PDHX: variants seen among roughly 807,000 people sequenced by gnomAD.
PDHX encodes pyruvate dehydrogenase protein X component, mitochondrial.
A neutral mutation model predicts 55.3 loss-of-function variants in PDHX; 33 were observed. The ratio of observed to expected loss-of-function variants is 0.60; its 90% CI spans 0.45 to 0.80. PDHX has a LOEUF of 0.80. Among genes scored for constraint, PDHX ranks in the 30% least tolerant of loss-of-function variants. PDHX has a pLI of 0.00. For missense variants in PDHX, 622 were observed against 619.9 expected (o/e 1.00, Z -0.04); for synonymous variants, 226 against 219.4 (o/e 1.03, Z -0.27).
At chr11:34,948,616 C>G (rs963170620) in intron 3 of PDHX, among the ~76,000 whole-genome samples, 1 of 139,486 alleles carries the variant, frequency 7.2e-6, no homozygotes, top group Non-Finnish European at 1.5e-5. Context: ...TTTTTAACTT[C>G]GAATATGTCA....
In PDHX at chr11:34,966,742, G is replaced by A. The variant is rs756038747; in HGVS notation, c.744G>A (p.Gln248=). 10 of 1,613,948 alleles carry A rather than the reference G, an allele frequency of 6.2e-6. No homozygotes were observed. The highest frequency in any genetic ancestry group is 6.8e-6 in the Non-Finnish European group (8 of 1,180,006). ...CTCCCACAGCACCTTCGCCCCTACAGGCCACAGCTGGACCATCTTATCCCC... is the reference window on the plus strand; with the variant it reads ...CTCCCACAGCACCTTCGCCCCTACAAGCCACAGCTGGACCATCTTATCCCC... ...TATPTAPSPL[Q]ATAGPSYPRP... The change falls in exon 6 of 11, where the codon CAG becomes CAA. Residue 248 remains glutamine (Q), a synonymous_variant. Coordinates refer to ENST00000227868, the MANE Select transcript of PDHX (RefSeq NM_003477.3).
chr11:34,969,158 G>A (rs7936426), intron 6 of PDHX, among the ~76,000 whole-genome samples: 15,322 of 151,984 alleles, frequency 0.1, 1,622 homozygotes, highest in African/African-American at 0.27. Context: ...GCACATTTAT[G>A]GTAGGCTATG....
intron 4 of PDHX, among the ~76,000 whole-genome samples, chr11:34,958,657 T>C (rs1854956462): frequency 6.6e-6 from 1 of 152,162 alleles, no homozygotes; most frequent in African/African-American, 2.4e-5. Flanking sequence ...CTCTGTTGCC[T>C]TGACTCCCAT....
At chr11:34,957,122 C>T (rs1407508667) in intron 3 of PDHX, among the ~76,000 whole-genome samples, 7 of 152,100 alleles carry the variant, frequency 4.6e-5, no homozygotes, top group Non-Finnish European at 1.0e-4. Context: ...TTTGAAGGCT[C>T]TCAGAAAGAG....
rs548357218 is a variant in PDHX, at chr11:34,942,405, C to T, written c.242-5101C>T. ...TGTGAAGCATTAACACTTCCAGCCCCATGACTTAAAAAATATATATCTATA... is the reference window on the plus strand; with the variant it reads ...TGTGAAGCATTAACACTTCCAGCCCTATGACTTAAAAAATATATATCTATA... On this transcript the variant is annotated intron_variant, in intron 2 of 10. Transcript: ENST00000227868. 1.1e-4 allele frequency among the ~76,000 whole-genome samples: 16 copies of T among 152,308 alleles called. No homozygotes were observed. The South Asian group carries it at 2.9e-3, about 28-fold the overall frequency.
At chr11:34,973,594 A>G (rs889759288) in intron 7 of PDHX, among the ~76,000 whole-genome samples, 2 of 151,804 alleles carry the variant, frequency 1.3e-5, no homozygotes, top group Non-Finnish European at 2.9e-5. Flanking sequence ...TAGGGTTTAC[A>G]ATGTAATTCT....
intron 2 of PDHX, among the ~76,000 whole-genome samples, chr11:34,946,848 A>G (rs1357080066): frequency 6.6e-6 from 1 of 152,190 alleles, no homozygotes; most frequent in Non-Finnish European, 1.5e-5. Flanking sequence ...TAATCCCCAA[A>G]GGAAACTGTT....
chr11:34,994,316 C>G (rs1590776799), intron 10 of PDHX, among the ~76,000 whole-genome samples: 1 of 152,242 alleles, frequency 6.6e-6, no homozygotes, highest in South Asian at 2.1e-4. Context: ...CTAAACATAT[C>G]TAAGCATTTT....
At chr11:34,961,587 C>T (rs1471121068) in intron 5 of PDHX, among the ~76,000 whole-genome samples, 1 of 152,136 alleles carries the variant, frequency 6.6e-6, no homozygotes, top group Non-Finnish European at 1.5e-5. Flanking sequence ...AGTGTTGGGC[C>T]AGGCAATGTT....
At chr11:34,953,042 C>A (rs1353037061) in intron 3 of PDHX, among the ~76,000 whole-genome samples, 1 of 151,876 alleles carries the variant, frequency 6.6e-6, no homozygotes, top group Non-Finnish European at 1.5e-5. Context: ...TCTTATACAC[C>A]AATAACAGAC....
In PDHX at chr11:34,955,068, A is replaced by G. The variant is rs559663521; in HGVS notation, c.343-2316A>G. Among the ~76,000 whole-genome samples, 19 of 152,266 alleles carry G rather than the reference A, an allele frequency of 1.2e-4. No homozygotes were observed. In the East Asian group the frequency reaches 1.5e-3, roughly 12 times the overall value. Reference sequence around the variant, plus strand: ...AAAACCCTGCATTTAATATTAAGAAATCATTGGCAGAAGAGTAAGAGAGGG... The same window carrying G: ...AAAACCCTGCATTTAATATTAAGAAGTCATTGGCAGAAGAGTAAGAGAGGG... On this transcript the variant is annotated intron_variant, in intron 3 of 10. Coordinates refer to ENST00000227868, the MANE Select transcript of PDHX (RefSeq NM_003477.3).
At chr11:34,926,627 C>T (rs1221262032) in intron 1 of PDHX, among the ~76,000 whole-genome samples, 1 of 151,450 alleles carries the variant, frequency 6.6e-6, no homozygotes, top group Admixed American at 6.6e-5. Context: ...AACCATAAAG[C>T]AGTTTGTTCT....
At chr11:34,931,946 G>A in intron 2 of PDHX, among the ~76,000 whole-genome samples, 2 of 151,994 alleles carry the variant, frequency 1.3e-5, no homozygotes. Context: ...GCGGAGGAGG[G>A]TTGTAGCCCT....
At chr11:34,960,630 GTTC>G (rs1325200592) in intron 5 of PDHX, 112 bp downstream of exon 5, 20 of 649,038 alleles carry the variant, frequency 3.1e-5, no homozygotes, top group Non-Finnish European at 3.0e-5. Context: ...GAGGTACACT[GTTC>G]TTCTTTTGTA....
At chr11:34,933,460 G>A (rs571175302) in intron 2 of PDHX, among the ~76,000 whole-genome samples, 1 of 152,220 alleles carries the variant, frequency 6.6e-6, no homozygotes, top group South Asian at 2.1e-4. Flanking sequence ...GTATTTTATG[G>A]GATAAAGCAA....
At chr11:34,978,933 G>C (rs1290505150) in intron 8 of PDHX, among the ~76,000 whole-genome samples, 1 of 152,154 alleles carries the variant, frequency 6.6e-6, no homozygotes, top group Non-Finnish European at 1.5e-5. Flanking sequence ...AAACGAAAAG[G>C]AGAGGCTGCC....
chr11:34,984,493 A>C (rs777789491), intron 8 of PDHX, 77 bp from the exon 9 acceptor site: 11 of 1,284,120 alleles, frequency 8.6e-6, no homozygotes, highest in Non-Finnish European at 9.0e-6. Flanking sequence ...TGGAAAATGC[A>C]CAATGATTTT....
chr11:34,918,789 A>G (rs892126530), intron 1 of PDHX, among the ~76,000 whole-genome samples: 2 of 152,188 alleles, frequency 1.3e-5, no homozygotes, highest in Admixed American at 6.5e-5. Context: ...TCTTTTCTGG[A>G]GGCTCGAGAC....
chr11:34,936,792 T>C (rs111549125), intron 2 of PDHX, among the ~76,000 whole-genome samples: 6 of 123,172 alleles, frequency 4.9e-5, no homozygotes, highest in Admixed American at 4.0e-4. Context: ...TCTTTTTTTT[T>C]TTTTTTTTTT....
Sources: allele counts gnomAD v4.1 joint callset (sites outside exome capture counted in the v4.1 genomes callset), GRCh38; gene constraint gnomAD v4.1.1; transcripts MANE v1.5; gene names NCBI Gene and HGNC (gene_info 2026-07-23, HGNC 2026-07-21).